The following TMEM204 variants were observed in gnomAD, a reference collection of about 807,000 sequenced individuals.
The protein encoded by TMEM204 is transmembrane protein 204, also known as claudin-like protein 24.
Under a neutral mutation model 19.4 loss-of-function variants are expected in TMEM204, and 15 were observed. The ratio of observed to expected loss-of-function variants is 0.77; its 90% CI spans 0.52 to 1.19. TMEM204 has a LOEUF of 1.19. Ranked by LOEUF, TMEM204 falls within the 50% of genes most tolerant of loss-of-function variation. TMEM204 has a pLI of 0.00. For synonymous variants in TMEM204, 161 were observed against 146.0 expected (o/e 1.10, Z -0.74); for missense variants, 287 against 321.2 (o/e 0.89, Z 0.81).
chr16:1,538,902 C>T (rs933339991), intron 1 of TMEM204, among the ~76,000 whole-genome samples: 1 of 152,216 alleles, frequency 6.6e-6, no homozygotes, highest in African/African-American at 2.4e-5. Context: ...TCTGCCTCAA[C>T]CCTGGCTCCT....
At chr16:1,543,783 C>T (rs1002493518) in intron 2 of TMEM204, among the ~76,000 whole-genome samples, 23 of 152,150 alleles carry the variant, frequency 1.5e-4, no homozygotes, top group African/African-American at 3.9e-4. Flanking sequence ...TCTGCTGACC[C>T]GAGGGCCATA....
intron 1 of TMEM204, among the ~76,000 whole-genome samples, chr16:1,538,151 G>A (rs935692682): frequency 2.0e-5 from 3 of 152,188 alleles, no homozygotes; most frequent in Non-Finnish European, 2.9e-5. Context: ...AGGAAGGCTC[G>A]GGCAGGAGTG....
chr16:1,544,435 T>A (rs1280367187), intron 2 of TMEM204, among the ~76,000 whole-genome samples: 2 of 151,938 alleles, frequency 1.3e-5, no homozygotes, highest in South Asian at 2.1e-4. Context: ...TCCGCCCACC[T>A]TGGCCTCCCA....
intron 2 of TMEM204, among the ~76,000 whole-genome samples, chr16:1,552,396 T>C (rs1434882633): frequency 6.6e-6 from 1 of 151,986 alleles, no homozygotes; most frequent in Non-Finnish European, 1.5e-5. Flanking sequence ...GTGCCTGCCC[T>C]GCCTCCAGGA....
intron 1 of TMEM204, among the ~76,000 whole-genome samples, chr16:1,537,829 C>T (rs1202645121): frequency 6.6e-6 from 1 of 152,212 alleles, no homozygotes; most frequent in African/African-American, 2.4e-5. Flanking sequence ...GGGGGAGCCC[C>T]ACCCCTCTCT....
chr16:1,547,782 C>T (rs2032296927), intron 2 of TMEM204, among the ~76,000 whole-genome samples: 1 of 152,190 alleles, frequency 6.6e-6, no homozygotes, highest in Non-Finnish European at 1.5e-5. Flanking sequence ...GTGATCCACC[C>T]ACCTTGGCCT....
At chr16:1,538,009 T>C (rs1179329092) in intron 1 of TMEM204, among the ~76,000 whole-genome samples, 1 of 152,184 alleles carries the variant, frequency 6.6e-6, no homozygotes, top group East Asian at 1.9e-4. Flanking sequence ...AGTCAGCTGC[T>C]ACCACGCACA....
In TMEM204 at chr16:1,553,706, C is replaced by T; in HGVS notation, c.437-1076C>T. Reference sequence around the variant, plus strand: ...TGAAGGCTGGCTGGAGGCCCCATGGCCTCCAGGACAATCTGTGGCCACATC... The same window carrying T: ...TGAAGGCTGGCTGGAGGCCCCATGGTCTCCAGGACAATCTGTGGCCACATC... On this transcript the variant is annotated intron_variant, in intron 2 of 2. Coordinates refer to ENST00000566264, the MANE Select transcript of TMEM204 (RefSeq NM_024600.6). This position sits in a 1 kb window ranked among gnomAD's most constrained non-coding sequence, Gnocchi z 4.4. 1 of 1,078,490 alleles carries T rather than the reference C, an allele frequency of 9.3e-7. No individual in the cohort carries two copies. The highest frequency in any genetic ancestry group is 2.7e-5 in the South Asian group (1 of 36,952). The allele number at this position is 1,078,490 out of a possible 1,614,324, so 66.8% of individuals were successfully genotyped here.
chr16:1,549,872 C>T (rs2032489689), intron 2 of TMEM204, among the ~76,000 whole-genome samples: 1 of 152,232 alleles, frequency 6.6e-6, no homozygotes, highest in Non-Finnish European at 1.5e-5. Context: ...ATTACTTTTC[C>T]ACTCACACTT....
intron 2 of TMEM204, among the ~76,000 whole-genome samples, chr16:1,546,515 G>A (rs111958092): frequency 0.022 from 3,370 of 152,284 alleles, 123 homozygotes; most frequent in African/African-American, 0.075. Context: ...AGCAATGCTC[G>A]CAGCTGTTAT....
intron 2 of TMEM204, among the ~76,000 whole-genome samples, chr16:1,544,121 G>T (rs571353199): frequency 6.8e-6 from 1 of 147,790 alleles, no homozygotes; most frequent in Non-Finnish European, 1.5e-5. Flanking sequence ...GGGTTCAAGC[G>T]ATTCTCCTGC....
At chr16:1,544,094 T>C (rs942379941) in intron 2 of TMEM204, among the ~76,000 whole-genome samples, 6 of 151,512 alleles carry the variant, frequency 4.0e-5, no homozygotes, top group Non-Finnish European at 8.8e-5. Flanking sequence ...CTCGGCTCAC[T>C]GCAACCTCTG....
chr16:1,543,865 T>C (rs1205852436), intron 2 of TMEM204, among the ~76,000 whole-genome samples: 1 of 152,144 alleles, frequency 6.6e-6, no homozygotes, highest in Admixed American at 6.6e-5. Flanking sequence ...GGAAATGCCG[T>C]GGCTTAAAGA....
intron 1 of TMEM204, among the ~76,000 whole-genome samples, chr16:1,535,733 C>A (rs2030997335): frequency 6.6e-6 from 1 of 152,242 alleles, no homozygotes; most frequent in African/African-American, 2.4e-5. Flanking sequence ...GGAATTCAAC[C>A]CCCTTGTCCA....
chr16:1,549,911 CG>C (rs2032493293), intron 2 of TMEM204, among the ~76,000 whole-genome samples: 1 of 152,172 alleles, frequency 6.6e-6, no homozygotes, highest in South Asian at 2.1e-4. Flanking sequence ...GTCCAGGTTG[CG>C]TGTGGACATG....
At chr16:1,550,841 A>G (rs1331530433) in intron 2 of TMEM204, among the ~76,000 whole-genome samples, 1 of 152,168 alleles carries the variant, frequency 6.6e-6, no homozygotes, top group Non-Finnish European at 1.5e-5. Context: ...AGAGCGCCCT[A>G]GCCGTCTCTG....
At chr16:1,542,262 G>A (rs1263505031) in intron 2 of TMEM204, among the ~76,000 whole-genome samples, 186 bp downstream of exon 2, 1 of 152,248 alleles carries the variant, frequency 6.6e-6, no homozygotes, top group African/African-American at 2.4e-5. Context: ...CAAGAATGAT[G>A]AAAGACAGAA....
chr16:1,548,061 C>A (rs559924919), intron 2 of TMEM204, among the ~76,000 whole-genome samples: 23 of 152,244 alleles, frequency 1.5e-4, no homozygotes, highest in Non-Finnish European at 2.8e-4. Flanking sequence ...TCCCTTCCAA[C>A]TTTGGCTGTT....
intron 1 of TMEM204, among the ~76,000 whole-genome samples, chr16:1,540,629 T>G (rs992878794): frequency 6.6e-6 from 1 of 152,210 alleles, no homozygotes; most frequent in African/African-American, 2.4e-5. Flanking sequence ...CACAGGGACC[T>G]GCTCCTGAGC....
Sources: gnomAD v4.1 joint callset for allele counts (sites outside exome capture counted in the v4.1 genomes callset) on GRCh38, gnomAD v4.1.1 for gene constraint, Gnocchi (gnomAD v3.1) non-coding constraint, MANE v1.5 for transcripts, NCBI Gene and HGNC (gene_info 2026-07-23, HGNC 2026-07-21) for gene names.